KLHL29: variants seen among roughly 807,000 people sequenced by gnomAD.
The protein encoded by KLHL29 is kelch-like protein 29.
Under a neutral mutation model 80.4 loss-of-function variants are expected in KLHL29, and 21 were observed. The ratio of observed to expected loss-of-function variants is 0.26; its 90% confidence interval spans 0.19 to 0.38. KLHL29 has a LOEUF of 0.38. KLHL29 is among the 10% of genes least tolerant of loss of function. The pLI is 1.00. For synonymous variants in KLHL29, 511 were observed against 526.8 expected (o/e 0.97, Z 0.41); for missense variants, 867 against 1,223.9 (o/e 0.71, Z 4.35).
intron 1 of KLHL29, 131 bp downstream of exon 1, chr2:23,385,911 T>TCGGCGG (rs35522709): frequency 3.3e-5 from 5 of 151,808 alleles, no homozygotes; most frequent in South Asian, 3.6e-4. Flanking sequence ...GGGCTCGGCT[T>TCGGCGG]CGGCGGCGGC....
intron 3 of KLHL29, among the ~76,000 whole-genome samples, chr2:23,582,231 G>A (rs1052601220): frequency 1.3e-5 from 2 of 152,178 alleles, no homozygotes; most frequent in African/African-American, 4.8e-5. Flanking sequence ...GTGCTTTATG[G>A]TTTTCAAACA....
chr2:23,708,192 G>A lies in KLHL29; in HGVS notation c.*1528G>A, dbSNP rs953912208. 2.0e-5 allele frequency: 3 copies of A among 152,192 alleles called. No individual in the cohort carries two copies. Among genetic ancestry groups the A allele is most frequent in the Non-Finnish European group, 2.9e-5 (2 of 68,040 alleles). 9.4% of individuals were successfully genotyped at this position (152,192 alleles called of 1,614,324 possible). ...GTTGGGCATCAACTTCTAGCACTACGAGTGTGGCTCCCACTTGGACAAGAT... is the reference window on the plus strand; with the variant it reads ...GTTGGGCATCAACTTCTAGCACTACAAGTGTGGCTCCCACTTGGACAAGAT... On this transcript the variant is annotated 3_prime_UTR_variant, in exon 14 of 14. Transcript: ENST00000486442.
intron 2 of KLHL29, among the ~76,000 whole-genome samples, chr2:23,535,566 TAAAA>T (rs1301282671): frequency 6.6e-6 from 1 of 152,188 alleles, no homozygotes; most frequent in Non-Finnish European, 1.5e-5. Flanking sequence ...TATCTAGCCT[TAAAA>T]AGAAAGGGAA....
At chr2:23,699,803 G>C (rs544404429) in intron 11 of KLHL29, among the ~76,000 whole-genome samples, 1 of 152,122 alleles carries the variant, frequency 6.6e-6, no homozygotes, top group East Asian at 1.9e-4. Context: ...CCTTCACACT[G>C]CAAGGCAGCC....
At chr2:23,656,538 A>G (rs1294803328) in intron 5 of KLHL29, among the ~76,000 whole-genome samples, 1 of 152,246 alleles carries the variant, frequency 6.6e-6, no homozygotes, top group African/African-American at 2.4e-5. Flanking sequence ...TCTTATCTGC[A>G]AGGCCCCTTA....
intron 2 of KLHL29, among the ~76,000 whole-genome samples, chr2:23,518,239 C>A (rs937535866): frequency 1.3e-5 from 2 of 152,198 alleles, no homozygotes; most frequent in South Asian, 2.1e-4. Flanking sequence ...ATGACCCTGA[C>A]GCTGTAAATG....
intron 2 of KLHL29, among the ~76,000 whole-genome samples, chr2:23,522,972 G>A (rs1421259234): frequency 1.3e-5 from 2 of 152,152 alleles, no homozygotes; most frequent in African/African-American, 2.4e-5. Flanking sequence ...CACGAGAGCA[G>A]GTGTTAGAGC....
At chr2:23,389,433 A>G (rs1666265039) in intron 1 of KLHL29, among the ~76,000 whole-genome samples, 2 of 152,248 alleles carry the variant, frequency 1.3e-5, no homozygotes, top group Non-Finnish European at 2.9e-5. Context: ...AAATGGAATT[A>G]TAACCAACTT....
chr2:23,551,291 A>T (rs1667116433), intron 2 of KLHL29, among the ~76,000 whole-genome samples: 1 of 152,212 alleles, frequency 6.6e-6, no homozygotes, highest in African/African-American at 2.4e-5. Context: ...GCAATAGCAC[A>T]AATGCCTAGT....
rs972406593 is a variant in KLHL29, at chr2:23,473,010, G to T, written c.-153-2550G>T. Among the ~76,000 whole-genome samples, 6 of 152,212 alleles carry T rather than the reference G, an allele frequency of 3.9e-5. No individual in the cohort carries two copies. The South Asian group carries it at 1.2e-3, about 32-fold the overall frequency. ...AAACCATCATAGCACAGTGCCCCCA[G>T]GCTGATGATGGGATGAGGGGAATTA... is the stretch of plus-strand genomic sequence containing the variant. On this transcript the variant is annotated intron_variant, in intron 1 of 13. Transcript: ENST00000486442.
intron 3 of KLHL29, among the ~76,000 whole-genome samples, chr2:23,634,910 T>G (rs1243227665): frequency 6.6e-6 from 1 of 152,202 alleles, no homozygotes; most frequent in Non-Finnish European, 1.5e-5. Context: ...CTTCTTCCAC[T>G]GGCCAACACT....
chr2:23,628,639 G>A (rs184830841), intron 3 of KLHL29, among the ~76,000 whole-genome samples: 5 of 152,260 alleles, frequency 3.3e-5, no homozygotes, highest in Admixed American at 3.3e-4. Context: ...ATGACAGATC[G>A]ACACCCTGTA....
intron 2 of KLHL29, among the ~76,000 whole-genome samples, chr2:23,514,574 G>A (rs1665866252): frequency 6.6e-6 from 1 of 152,198 alleles, no homozygotes; most frequent in Admixed American, 6.5e-5. Flanking sequence ...GCTGATGACA[G>A]AATTCTTTGG....
intron 3 of KLHL29, among the ~76,000 whole-genome samples, chr2:23,630,291 TTA>T (rs1038764576): frequency 7.9e-5 from 12 of 152,156 alleles, no homozygotes; most frequent in African/African-American, 2.9e-4. Flanking sequence ...GGCTTTAGTA[TTA>T]TCCTGATAGG....
intron 2 of KLHL29, among the ~76,000 whole-genome samples, chr2:23,536,674 T>C (rs1379868907): frequency 6.6e-6 from 1 of 152,116 alleles, no homozygotes; most frequent in Non-Finnish European, 1.5e-5. Flanking sequence ...TCCTGATCTC[T>C]CTCCGTGAAG....
intron 3 of KLHL29, among the ~76,000 whole-genome samples, chr2:23,595,243 C>T (rs1668366709): frequency 1.3e-5 from 2 of 152,046 alleles, no homozygotes; most frequent in Admixed American, 1.3e-4. Context: ...GGGGAAGGAA[C>T]CCTTCTTTCC....
At chr2:23,654,562 T>C (rs1670182178) in intron 5 of KLHL29, among the ~76,000 whole-genome samples, 1 of 152,110 alleles carries the variant, frequency 6.6e-6, no homozygotes, top group Non-Finnish European at 1.5e-5. Context: ...TGGGTCTTTG[T>C]AGTAATGGTG....
At position 23,634,137 on chromosome 2, in the gene KLHL29, G is replaced by A. The variant is rs142921458; in HGVS notation, c.286-5002G>A. On this transcript the variant is annotated intron_variant, in intron 3 of 13. Transcript: ENST00000486442. ...CAGCACAGATGCCTGGTACACGGTG[G>A]TGCCCCTGACCCAGAGTGCGTGCTC... 6.6e-5 allele frequency among the ~76,000 whole-genome samples: 10 copies of A among 152,238 alleles called. No homozygotes were observed. In the East Asian group the frequency reaches 1.9e-3, roughly 29 times the overall value.
chr2:23,521,936 G>A (rs1283922571), intron 2 of KLHL29, among the ~76,000 whole-genome samples: 1 of 152,202 alleles, frequency 6.6e-6, no homozygotes, highest in African/African-American at 2.4e-5. Context: ...TACTAAGTTT[G>A]TGCACCTGCT....
Sources: gnomAD v4.1 joint callset for allele counts (sites outside exome capture counted in the v4.1 genomes callset) on GRCh38, gnomAD v4.1.1 for gene constraint, MANE v1.5 for transcripts, NCBI Gene and HGNC (gene_info 2026-07-23, HGNC 2026-07-21) for gene names.